Variants in TRIO observed in about 807,000 individuals in gnomAD.
TRIO encodes triple functional domain protein.
In TRIO, 58 loss-of-function variants were observed where a neutral mutation model predicts 351.9. The ratio of observed to expected loss-of-function variants is 0.16; its 90% confidence interval spans 0.13 to 0.21. The LOEUF (loss-of-function observed/expected upper bound fraction) is 0.21, where lower values mean the gene tolerates loss of function less well. TRIO is among the 10% of genes least tolerant of loss of function. TRIO has a pLI of 1.00. For missense variants in TRIO, 3,201 were observed against 4,027.8 expected, an observed-to-expected ratio of 0.79 and a Z score of 5.56; for synonymous variants, 1,758 against 1,595.7, an observed-to-expected ratio of 1.10 and a Z score of -2.42.
At chr5:14,338,798 A>G (rs766402077) in intron 11 of TRIO, among the ~76,000 whole-genome samples, 6 of 152,156 alleles carry the variant, frequency 3.9e-5, no homozygotes, top group Non-Finnish European at 5.9e-5. Context: ...TGAGAGGCCA[A>G]ATCGAGAGGA....
chr5:14,353,868 A>G (rs1743371500), intron 11 of TRIO, among the ~76,000 whole-genome samples: 1 of 152,202 alleles, frequency 6.6e-6, no homozygotes, highest in African/African-American at 2.4e-5. Flanking sequence ...GTCATTTTTC[A>G]TCTTCTCTTC....
At chr5:14,270,431 G>C (rs1795915235) in intron 1 of TRIO, among the ~76,000 whole-genome samples, 1 of 152,222 alleles carries the variant, frequency 6.6e-6, no homozygotes, top group Non-Finnish European at 1.5e-5. Context: ...GATGTCACAA[G>C]CAGCAATTTT....
At chr5:14,176,370 C>T (rs544041162) in intron 1 of TRIO, among the ~76,000 whole-genome samples, 1 of 152,036 alleles carries the variant, frequency 6.6e-6, no homozygotes, top group Non-Finnish European at 1.5e-5. Context: ...CTCAGGAGGC[C>T]GAGGCAGGAG....
intron 1 of TRIO, among the ~76,000 whole-genome samples, chr5:14,155,947 A>AT (rs1281476644): frequency 2.2e-4 from 34 of 151,812 alleles, no homozygotes; most frequent in Admixed American, 2.0e-3. Context: ...CGAAATGTTG[A>AT]TTTTTTTTCT....
In TRIO at chr5:14,498,262, C is replaced by T; in HGVS notation, c.8210+11C>T. ...CAGCATCTCCTACAGGTGAGGGAGGCCCACTCCTGGTGGGTTTCGCTGGCT... is the reference window on the plus strand; with the variant it reads ...CAGCATCTCCTACAGGTGAGGGAGGTCCACTCCTGGTGGGTTTCGCTGGCT... On this transcript the variant is annotated intron_variant, in intron 52 of 56. Transcript: ENST00000344204. The T allele has an allele frequency of 6.2e-7, 1 of 1,612,118 alleles. No individual in the cohort carries two copies. Among genetic ancestry groups the T allele is most frequent in the Non-Finnish European group, 8.5e-7 (1 of 1,178,308 alleles).
chr5:14,233,686 C>T (rs1793604387), intron 1 of TRIO, among the ~76,000 whole-genome samples: 1 of 152,090 alleles, frequency 6.6e-6, no homozygotes, highest in African/African-American at 2.4e-5. Context: ...TCCGGGCATG[C>T]ACCACCACGC....
At chr5:14,356,214 A>G (rs192248120) in intron 11 of TRIO, among the ~76,000 whole-genome samples, 189 of 152,334 alleles carry the variant, frequency 1.2e-3, no homozygotes, top group African/African-American at 4.3e-3. Context: ...GTATGTAAAT[A>G]TTGCTCAGTG....
intron 1 of TRIO, among the ~76,000 whole-genome samples, chr5:14,232,777 G>A (rs770113151): frequency 1.3e-5 from 2 of 152,176 alleles, no homozygotes; most frequent in African/African-American, 2.4e-5. Flanking sequence ...TTTACTTAAT[G>A]TACACGCATA....
chr5:14,188,478 G>A (rs1356061752), intron 1 of TRIO, among the ~76,000 whole-genome samples: 1 of 152,168 alleles, frequency 6.6e-6, no homozygotes, highest in East Asian at 1.9e-4. Context: ...TCATATAGTA[G>A]ACATGAGTAT....
At chr5:14,356,299 C>T (rs1743605775) in intron 11 of TRIO, among the ~76,000 whole-genome samples, 1 of 152,118 alleles carries the variant, frequency 6.6e-6, no homozygotes, top group Non-Finnish European at 1.5e-5. Flanking sequence ...ATGCATATTT[C>T]AGAGAAACAA....
chr5:14,382,744 CGT>C (rs1191536608), intron 21 of TRIO, among the ~76,000 whole-genome samples: 3 of 150,788 alleles, frequency 2.0e-5, no homozygotes, highest in Non-Finnish European at 4.4e-5. Flanking sequence ...TATTTAGGGG[CGT>C]GTGTGTGTCT....
At chr5:14,244,944 A>G (rs750812509) in intron 1 of TRIO, among the ~76,000 whole-genome samples, 30 of 152,184 alleles carry the variant, frequency 2.0e-4, no homozygotes, top group South Asian at 8.3e-4. Context: ...GCCCCAGGAA[A>G]AGAGAGTCTG....
At chr5:14,327,022 G>A (rs1740450050) in intron 9 of TRIO, among the ~76,000 whole-genome samples, 1 of 152,114 alleles carries the variant, frequency 6.6e-6, no homozygotes, top group African/African-American at 2.4e-5. Context: ...GATTTCACCT[G>A]GTATTTACAT....
At chr5:14,502,276 A>G (rs1009135166) in intron 53 of TRIO, among the ~76,000 whole-genome samples, 12 of 152,266 alleles carry the variant, frequency 7.9e-5, no homozygotes, top group Admixed American at 1.3e-4. Context: ...TTTTAAAAAT[A>G]AAAGTAAAAG....
At chr5:14,458,599 AG>A (rs1304107040) in intron 34 of TRIO, among the ~76,000 whole-genome samples, 1 of 152,240 alleles carries the variant, frequency 6.6e-6, no homozygotes, top group African/African-American at 2.4e-5. Flanking sequence ...ATCTCTGTCC[AG>A]TGGGAAATCG....
intron 1 of TRIO, among the ~76,000 whole-genome samples, chr5:14,162,345 T>G (rs1473021693): frequency 6.6e-6 from 1 of 152,196 alleles, no homozygotes; most frequent in East Asian, 1.9e-4. Flanking sequence ...TGAAGGAGAT[T>G]AGAGAAATCA....
At chr5:14,268,565 G>A (rs908299211) in intron 1 of TRIO, among the ~76,000 whole-genome samples, 8 of 152,168 alleles carry the variant, frequency 5.3e-5, no homozygotes, top group African/African-American at 9.7e-5. Flanking sequence ...GGGTGTGGAC[G>A]TGGGAATGGT....
intron 9 of TRIO, among the ~76,000 whole-genome samples, chr5:14,318,861 A>G (rs1739617461): frequency 6.6e-6 from 1 of 152,232 alleles, no homozygotes. Flanking sequence ...GGACTGATGC[A>G]CTTCCCAAGA....
At chr5:14,463,166 A>G (rs1041167678) in intron 36 of TRIO, among the ~76,000 whole-genome samples, 5 of 152,250 alleles carry the variant, frequency 3.3e-5, no homozygotes, top group African/African-American at 4.8e-5. Flanking sequence ...GGCTCAATGC[A>G]TTTTTAATGA....
Sources: allele counts gnomAD v4.1 joint callset (sites outside exome capture counted in the v4.1 genomes callset), GRCh38; gene constraint gnomAD v4.1.1; transcripts MANE v1.5; gene names NCBI Gene and HGNC (gene_info 2026-07-23, HGNC 2026-07-21).